Variants in AGBL1 observed in about 807,000 individuals in gnomAD.
The protein encoded by AGBL1 is cytosolic carboxypeptidase 4.
In AGBL1, 130 loss-of-function variants were observed where a neutral mutation model predicts 118.9. That is an observed-to-expected ratio of 1.09 (90% confidence interval 0.95 to 1.26). AGBL1 has a LOEUF of 1.26. Among genes scored for constraint, AGBL1 ranks in the 50% most tolerant of loss-of-function variants. AGBL1 has a pLI of 0.00. For missense variants in AGBL1, 1,584 were observed against 1,298.1 expected, an observed-to-expected ratio of 1.22 and a Z score of -3.38; for synonymous variants, 555 against 478.9, an observed-to-expected ratio of 1.16 and a Z score of -2.08.
intron 1 of AGBL1, among the ~76,000 whole-genome samples, chr15:86,123,321 C>A (rs1406967723): frequency 6.6e-6 from 1 of 152,142 alleles, no homozygotes; most frequent in Non-Finnish European, 1.5e-5. Flanking sequence ...CTCACTGCAA[C>A]CTCTGCCTCC....
In AGBL1 at chr15:86,975,943, C is replaced by A. The variant is rs527298105; in HGVS notation, c.3222-12044C>A. 2.0e-5 allele frequency among the ~76,000 whole-genome samples: 3 copies of A among 152,174 alleles called. No individual in the cohort carries two copies. In the South Asian group the frequency reaches 6.2e-4, roughly 32 times the overall value. On this transcript the variant is annotated intron_variant, in intron 23 of 24. Coordinates refer to the AGBL1 transcript ENST00000441037. ...GCCCCATGACAGCAGAGCAGTTTAA[C>A]TTCATACCTAATAAACTGTCTGCAG...
intron 24 of AGBL1, among the ~76,000 whole-genome samples, chr15:87,019,268 G>A: frequency 6.6e-6 from 1 of 152,068 alleles, no homozygotes; most frequent in Middle Eastern, 3.2e-3. Flanking sequence ...GGATCAAGTG[G>A]ACCTGACAGA....
chr15:86,231,876 G>A (rs1314933693), intron 6 of AGBL1, among the ~76,000 whole-genome samples: 1 of 152,202 alleles, frequency 6.6e-6, no homozygotes, highest in Non-Finnish European at 1.5e-5. Flanking sequence ...CTAAGTATTA[G>A]AAGGATTATT....
intron 19 of AGBL1, among the ~76,000 whole-genome samples, chr15:86,526,992 A>C (rs2083276482): frequency 1.3e-4 from 1 of 7,972 alleles, no homozygotes; most frequent in Non-Finnish European, 2.1e-4. Context: ...AGCTATTGAA[A>C]TTACAAAGTT....
intron 21 of AGBL1, among the ~76,000 whole-genome samples, chr15:86,655,596 T>A (rs1261913236): frequency 6.6e-6 from 1 of 152,150 alleles, no homozygotes; most frequent in Non-Finnish European, 1.5e-5. Flanking sequence ...AGGAAAGGAC[T>A]TCCTCCCCAT....
intron 2 of AGBL1, among the ~76,000 whole-genome samples, chr15:86,143,374 C>G (rs538568972): frequency 1.3e-5 from 2 of 152,224 alleles, no homozygotes; most frequent in East Asian, 3.9e-4. Context: ...ATTCAAAAGC[C>G]CATATGCATA....
chr15:86,517,788 T>C (rs2083139663), intron 18 of AGBL1, among the ~76,000 whole-genome samples: 1 of 149,906 alleles, frequency 6.7e-6, no homozygotes, highest in African/African-American at 2.6e-5. Context: ...AGTTGTCTTT[T>C]GGTTTTTTCC....
chr15:86,539,011 A>T (rs1348774088), intron 19 of AGBL1, among the ~76,000 whole-genome samples: 1 of 152,244 alleles, frequency 6.6e-6, no homozygotes, highest in East Asian at 1.9e-4. Context: ...TCATGTTTGC[A>T]TGAACTAAAT....
chr15:86,200,975 C>T (rs2077898656), intron 5 of AGBL1, among the ~76,000 whole-genome samples: 1 of 151,922 alleles, frequency 6.6e-6, no homozygotes, highest in Admixed American at 6.6e-5. Context: ...AACTCCTATC[C>T]AAATGTTTTC....
chr15:86,581,311 T>C (rs546321081), intron 21 of AGBL1, among the ~76,000 whole-genome samples: 3 of 152,284 alleles, frequency 2.0e-5, no homozygotes, highest in Admixed American at 2.0e-4. Context: ...AACGTTTTTC[T>C]CAAGATTTGT....
rs539771488 is a variant in AGBL1 at position 86,774,337 on chromosome 15, A to G, written c.3158+99901A>G. Among the ~76,000 whole-genome samples, 246 of 152,292 alleles carry G rather than the reference A, an allele frequency of 1.6e-3. 1 individual carries two copies. Among genetic ancestry groups the G allele is most frequent in the African/African-American group, 5.5e-3 (230 of 41,578 alleles). ...ATTACAATAGTGGATGATTTCAAAT[A>G]AGAATATTAAACAATGTTTAAGAGT... On this transcript the variant is annotated intron_variant, in intron 22 of 22. Coordinates refer to ENST00000614907, the MANE Select transcript of AGBL1 (RefSeq NM_001386094.1).
At chr15:86,356,728 G>T (rs557903685) in intron 17 of AGBL1, among the ~76,000 whole-genome samples, 1 of 152,178 alleles carries the variant, frequency 6.6e-6, no homozygotes, top group Non-Finnish European at 1.5e-5. Context: ...AAGAGTTAAG[G>T]CTGTCTTTAC....
intron 1 of AGBL1, among the ~76,000 whole-genome samples, chr15:86,115,036 T>C (rs1567063769): frequency 1.3e-5 from 2 of 152,332 alleles, no homozygotes; most frequent in Middle Eastern, 3.4e-3. Context: ...GGGTTATGGA[T>C]AAACACTGCC....
chr15:86,461,375 G>A (rs1231744390), intron 18 of AGBL1, among the ~76,000 whole-genome samples: 2 of 152,126 alleles, frequency 1.3e-5, no homozygotes, highest in Non-Finnish European at 2.9e-5. Context: ...TCTTTTCAAG[G>A]AGAGAAAAAT....
intron 22 of AGBL1, among the ~76,000 whole-genome samples, chr15:86,693,845 C>T (rs1334523835): frequency 6.6e-6 from 1 of 151,920 alleles, no homozygotes. Flanking sequence ...CATTTGTTGA[C>T]TAGGGTGTCC....
chr15:86,420,797 G>C (rs1292484702), intron 18 of AGBL1, among the ~76,000 whole-genome samples: 2 of 152,154 alleles, frequency 1.3e-5, no homozygotes, highest in African/African-American at 4.8e-5. Flanking sequence ...CACAGCAGGA[G>C]AACTTCATGA....
chr15:86,691,401 A>T (rs2086168780), intron 22 of AGBL1, among the ~76,000 whole-genome samples: 1 of 152,126 alleles, frequency 6.6e-6, no homozygotes. Context: ...TGAATTAGTG[A>T]ATCATTTTAC....
intron 18 of AGBL1, among the ~76,000 whole-genome samples, chr15:86,459,065 G>C (rs192987050): frequency 6.6e-6 from 1 of 152,194 alleles, no homozygotes; most frequent in East Asian, 1.9e-4. Flanking sequence ...ACAAATTATA[G>C]TTTGATCCAA....
At chr15:86,944,341 T>C (rs1481498669) in intron 23 of AGBL1, among the ~76,000 whole-genome samples, 1 of 152,070 alleles carries the variant, frequency 6.6e-6, no homozygotes, top group Non-Finnish European at 1.5e-5. Context: ...ATTGTGCCAC[T>C]GCACTCCAGC....
Sources: allele counts gnomAD v4.1 joint callset (sites outside exome capture counted in the v4.1 genomes callset), GRCh38; gene constraint gnomAD v4.1.1; transcripts MANE v1.5; gene names NCBI Gene and HGNC (gene_info 2026-07-23, HGNC 2026-07-21).